MACROD2: variants seen among roughly 807,000 people sequenced by gnomAD.
MACROD2 encodes the protein mono-ADP ribosylhydrolase 2, also known as ADP-ribose glycohydrolase MACROD2.
A neutral mutation model predicts 70.4 loss-of-function variants in MACROD2; 36 were observed. The ratio of observed to expected loss-of-function variants is 0.51; its 90% CI spans 0.39 to 0.68. The LOEUF is 0.68. MACROD2 is among the 30% of genes least tolerant of loss of function. The pLI is 0.00. For synonymous variants in MACROD2, 172 were observed against 178.8 expected (o/e 0.96, Z 0.30); for missense variants, 496 against 538.4 (o/e 0.92, Z 0.78).
intron 3 of MACROD2, among the ~76,000 whole-genome samples, chr20:14,274,668 A>G (rs1240100317): frequency 6.6e-6 from 1 of 152,150 alleles, no homozygotes; most frequent in East Asian, 1.9e-4. Context: ...AGGAGAAGGA[A>G]ATAAAGTGTA....
chr20:15,134,636 C>G (rs1349820142), intron 5 of MACROD2, among the ~76,000 whole-genome samples: 1 of 151,640 alleles, frequency 6.6e-6, no homozygotes, highest in Admixed American at 6.6e-5. Context: ...AAATTAACAC[C>G]CTAACATCAC....
At chr20:15,501,030 C>T (rs1017166598) in intron 8 of MACROD2, among the ~76,000 whole-genome samples, 1 of 152,166 alleles carries the variant, frequency 6.6e-6, no homozygotes, top group African/African-American at 2.4e-5. Context: ...ATGTTATCTT[C>T]ATCTGCATTT....
chr20:14,266,797 A>T (rs78800950), intron 3 of MACROD2, among the ~76,000 whole-genome samples: 4 of 152,208 alleles, frequency 2.6e-5, no homozygotes, highest in Non-Finnish European at 4.4e-5. Flanking sequence ...TATAAAGTAT[A>T]CCATAAAATA....
chr20:14,947,240 A>G (rs995188269), intron 5 of MACROD2, among the ~76,000 whole-genome samples: 1 of 152,204 alleles, frequency 6.6e-6, no homozygotes, highest in South Asian at 2.1e-4. Flanking sequence ...GTCTTTGAAA[A>G]GTGCATTTTG....
chr20:14,155,543 A>G (rs2055090843), intron 3 of MACROD2, among the ~76,000 whole-genome samples: 1 of 152,184 alleles, frequency 6.6e-6, no homozygotes, highest in South Asian at 2.1e-4. Flanking sequence ...ATGACTGATT[A>G]AAAGGGATTA....
At chr20:14,055,048 G>C (rs1050203988) in intron 2 of MACROD2, among the ~76,000 whole-genome samples, 8 of 152,110 alleles carry the variant, frequency 5.3e-5, no homozygotes, top group Admixed American at 1.3e-4. Flanking sequence ...CTGAGAAGCT[G>C]CTGTACCAAA....
intron 5 of MACROD2, among the ~76,000 whole-genome samples, chr20:15,223,085 C>A (rs2076875689): frequency 6.6e-6 from 1 of 152,106 alleles, no homozygotes; most frequent in Non-Finnish European, 1.5e-5. Context: ...GTTATCTCTT[C>A]AGAACAAAGA....
intron 3 of MACROD2, chr20:14,086,349 T>C (rs1169530021): frequency 9.1e-6 from 2 of 220,864 alleles, no homozygotes; most frequent in Admixed American, 9.7e-5. Flanking sequence ...AAAAAAGATA[T>C]AACAGCCGTG....
At chr20:14,338,705 G>A (rs1422191084) in intron 3 of MACROD2, among the ~76,000 whole-genome samples, 17 of 152,098 alleles carry the variant, frequency 1.1e-4, no homozygotes, top group Admixed American at 6.5e-4. Context: ...TGGTTTGCCT[G>A]GATTGAAATT....
chr20:15,654,985 A>T (rs1014916128), intron 8 of MACROD2, among the ~76,000 whole-genome samples: 1 of 152,168 alleles, frequency 6.6e-6, no homozygotes, highest in Non-Finnish European at 1.5e-5. Context: ...GATTTGAGTC[A>T]CCATGCTTCT....
chr20:14,799,450 A>G (rs1397690974), intron 5 of MACROD2, among the ~76,000 whole-genome samples: 3 of 152,114 alleles, frequency 2.0e-5, no homozygotes, highest in Non-Finnish European at 4.4e-5. Context: ...ATTATGTTTC[A>G]AAGGTTTTTA....
chr20:15,461,045 G>A (rs533617572), intron 7 of MACROD2, among the ~76,000 whole-genome samples: 1 of 131,422 alleles, frequency 7.6e-6, no homozygotes, highest in South Asian at 2.4e-4. Flanking sequence ...TGTTGCCCTG[G>A]CTGGATTGCA....
chr20:14,322,280 A>C (rs1260720675), intron 3 of MACROD2, among the ~76,000 whole-genome samples: 1 of 147,120 alleles, frequency 6.8e-6, no homozygotes, highest in Non-Finnish European at 1.5e-5. Flanking sequence ...TGCTCTGTGT[A>C]TTTGCTAGTA....
intron 12 of MACROD2, among the ~76,000 whole-genome samples, chr20:15,949,795 A>C (rs982828077): frequency 2.0e-5 from 3 of 152,152 alleles, no homozygotes; most frequent in South Asian, 4.1e-4. Context: ...AAACCAGCAC[A>C]ATTTTTAGAG....
intron 4 of MACROD2, among the ~76,000 whole-genome samples, chr20:14,496,650 T>TGTTATATCATAGATAGTATTTGTGCA (rs2084856338): frequency 6.7e-5 from 10 of 148,642 alleles, no homozygotes; most frequent in African/African-American, 2.6e-4. Flanking sequence ...ATGTGATTAC[T>TGTTATATCATAGATAGTATTTGTGCA]TCTACTCAGT....
At chr20:15,520,034 G>A (rs1370154540) in intron 8 of MACROD2, among the ~76,000 whole-genome samples, 1 of 152,174 alleles carries the variant, frequency 6.6e-6, no homozygotes, top group African/African-American at 2.4e-5. Flanking sequence ...AATAAAAGAA[G>A]CACTGCAATC....
intron 5 of MACROD2, among the ~76,000 whole-genome samples, chr20:14,918,617 G>GTTTTTTTTTT (rs201821065): frequency 1.6e-5 from 2 of 127,778 alleles, no homozygotes; most frequent in Non-Finnish European, 3.4e-5. Context: ...TGTTTTTTTT[G>GTTTTTTTTTT]TTTTTTTTTT....
intron 5 of MACROD2, among the ~76,000 whole-genome samples, chr20:15,037,912 A>C (rs78708415): frequency 0.11 from 16,924 of 151,300 alleles, 1,273 homozygotes; most frequent in Non-Finnish European, 0.16. Context: ...TGTATATTTC[A>C]AAATAGCCAG....
At chr20:14,757,414 A>G (rs2071955439) in intron 5 of MACROD2, 1 of 372,098 alleles carries the variant, frequency 2.7e-6, no homozygotes, top group Non-Finnish European at 4.9e-6. Flanking sequence ...TTAGAAGAGT[A>G]AATTTCATTT....
Sources: gnomAD v4.1 joint callset for allele counts (sites outside exome capture counted in the v4.1 genomes callset) on GRCh38, gnomAD v4.1.1 for gene constraint, MANE v1.5 for transcripts, NCBI Gene and HGNC (gene_info 2026-07-23, HGNC 2026-07-21) for gene names.